Variants in CDH10 observed in about 807,000 individuals in gnomAD.
CDH10 encodes the protein cadherin-10.
CDH10 carries 30 observed loss-of-function variants against 73.1 expected under a neutral mutation model. The ratio of observed to expected loss-of-function variants is 0.41; its 90% CI spans 0.31 to 0.56. The LOEUF is 0.56. Ranked by LOEUF, CDH10 falls within the 20% of genes least tolerant of loss-of-function variation. The probability of loss-of-function intolerance (pLI) is 0.27; values close to 1 mark genes in which losing one functional copy is unlikely to be tolerated. For missense variants in CDH10, 815 were observed against 973.7 expected (o/e 0.84, Z 2.17); for synonymous variants, 345 against 348.2 (o/e 0.99, Z 0.10).
intron 5 of CDH10, among the ~76,000 whole-genome samples, chr5:24,531,000 T>G (rs1020199199): frequency 1.3e-5 from 2 of 152,104 alleles, no homozygotes; most frequent in African/African-American, 4.8e-5. Flanking sequence ...TCATCTCCCA[T>G]CAACCTCCTC....
chr5:24,489,482 C>A (rs1326905671), intron 11 of CDH10, among the ~76,000 whole-genome samples: 2 of 152,006 alleles, frequency 1.3e-5, no homozygotes, highest in Non-Finnish European at 2.9e-5. Context: ...TGCCTAAATT[C>A]ATATATTTAT....
At chr5:24,534,656 G>A (rs1439507127) in intron 5 of CDH10, among the ~76,000 whole-genome samples, 2 of 152,058 alleles carry the variant, frequency 1.3e-5, no homozygotes, top group African/African-American at 2.4e-5. Flanking sequence ...TCGATCTACA[G>A]TGCTTTCTGG....
At chr5:24,520,134 C>T (rs1451888585) in intron 5 of CDH10, among the ~76,000 whole-genome samples, 1 of 152,024 alleles carries the variant, frequency 6.6e-6, no homozygotes, top group Non-Finnish European at 1.5e-5. Flanking sequence ...TCAAATTCTG[C>T]GGTACTGGAG....
intron 1 of CDH10, among the ~76,000 whole-genome samples, chr5:24,628,424 TTG>T (rs2112188119): frequency 6.6e-6 from 1 of 152,256 alleles, no homozygotes; most frequent in South Asian, 2.1e-4. Context: ...ACATATGAAT[TTG>T]TGAGCACATA....
chr5:24,595,919 C>A (rs942336756), intron 1 of CDH10, among the ~76,000 whole-genome samples: 5 of 151,846 alleles, frequency 3.3e-5, no homozygotes, highest in African/African-American at 1.2e-4. Flanking sequence ...ACCCCACATG[C>A]ATGAGATCAT....
intron 2 of CDH10, among the ~76,000 whole-genome samples, chr5:24,550,020 A>G (rs1744487085): frequency 6.6e-6 from 1 of 152,194 alleles, no homozygotes; most frequent in African/African-American, 2.4e-5. Context: ...TGGTATTTTC[A>G]GGCCTAAGGA....
intron 11 of CDH10, among the ~76,000 whole-genome samples, 160 bp from the exon 12 acceptor site, chr5:24,488,313 G>C (rs1278275212): frequency 6.6e-6 from 1 of 152,136 alleles, no homozygotes; most frequent in Non-Finnish European, 1.5e-5. Flanking sequence ...GGTGTCAGGG[G>C]AGACGCTGAA....
chr5:24,548,789 A>G (rs189194250), intron 2 of CDH10, among the ~76,000 whole-genome samples: 1 of 152,232 alleles, frequency 6.6e-6, no homozygotes, highest in Admixed American at 6.5e-5. Flanking sequence ...TTCTTTATAC[A>G]TATTGTTTGG....
rs1746443032 is a variant in CDH10, at chr5:24,598,346, ACT to A, written c.-123-4735_-123-4734del. Among the ~76,000 whole-genome samples, 11 of 151,928 alleles carry A rather than the reference ACT, an allele frequency of 7.2e-5. No homozygotes were observed. The South Asian group carries it at 2.3e-3, about 31-fold the overall frequency. The stretch of plus-strand genomic sequence containing the variant: ...TATAATTCTACATTGAATATTTATC[ACT>A]CTGTTTTAAGTATTCTGCATATGTA... On this transcript the variant is annotated intron_variant, in intron 1 of 11. Coordinates refer to ENST00000264463, the MANE Select transcript of CDH10 (RefSeq NM_006727.5).
At position 24,523,423 on chromosome 5, in the gene CDH10, CTAA is replaced by C. The variant is rs992944217; in HGVS notation, c.814+11686_814+11688del. ...TTGTTTTTAAAAATTAAAAAATTTC[CTAA>C]TGATAGAAGAAATAATCAGTTTATG... is the stretch of plus-strand genomic sequence containing the variant. On this transcript the variant is annotated intron_variant, in intron 5 of 11. Coordinates refer to ENST00000264463, the MANE Select transcript of CDH10 (RefSeq NM_006727.5). Among the ~76,000 whole-genome samples the C allele has an allele frequency of 2.0e-5, 3 of 151,796 alleles. 1 individual carries two copies. Among genetic ancestry groups the C allele is most frequent in the South Asian group, 4.1e-4 (2 of 4,824 alleles).
rs563251479 is a variant in CDH10, at chr5:24,532,220, A to C, written c.814+2892T>G. On this transcript the variant is annotated intron_variant, in intron 5 of 11. Coordinates refer to ENST00000264463, the MANE Select transcript of CDH10 (RefSeq NM_006727.5). ...ATTTGGATCAGCCAACCTAAAGGAA[A>C]GTTTGAGTTGTGACCTAACTTTTAT... 1.1e-4 allele frequency among the ~76,000 whole-genome samples: 16 copies of C among 152,238 alleles called. No homozygotes were observed. The East Asian group carries it at 2.1e-3, about 20-fold the overall frequency.
intron 2 of CDH10, among the ~76,000 whole-genome samples, chr5:24,544,092 G>A (rs868178342): frequency 6.6e-6 from 1 of 152,016 alleles, no homozygotes; most frequent in Non-Finnish European, 1.5e-5. Context: ...TCAACAGATC[G>A]AGACCATCCT....
At chr5:24,603,124 A>G (rs573290116) in intron 1 of CDH10, among the ~76,000 whole-genome samples, 9 of 152,316 alleles carry the variant, frequency 5.9e-5, no homozygotes, top group African/African-American at 2.2e-4. Flanking sequence ...GCTGTGATAT[A>G]TCAAGAGGAA....
At chr5:24,514,797 AT>A (rs1163201837) in intron 5 of CDH10, among the ~76,000 whole-genome samples, 2 of 152,158 alleles carry the variant, frequency 1.3e-5, no homozygotes, top group African/African-American at 4.8e-5. Context: ...ATTTTTTTCA[AT>A]TAATGAGTTT....
At chr5:24,556,543 C>A (rs1234930049) in intron 2 of CDH10, among the ~76,000 whole-genome samples, 3 of 151,736 alleles carry the variant, frequency 2.0e-5, no homozygotes, top group Non-Finnish European at 4.4e-5. Context: ...ATTAGCTCTG[C>A]AAGCCTCCTT....
intron 1 of CDH10, among the ~76,000 whole-genome samples, chr5:24,634,205 T>C (rs184870255): frequency 1.3e-5 from 2 of 152,000 alleles, no homozygotes; most frequent in East Asian, 1.9e-4. Context: ...AACCATTTCT[T>C]GGGCTTTAAA....
chr5:24,504,620 G>C (rs1468886136), intron 8 of CDH10, among the ~76,000 whole-genome samples: 1 of 143,284 alleles, frequency 7.0e-6, no homozygotes, highest in Admixed American at 7.3e-5. Context: ...CTGCCTCCCA[G>C]GTTCACGCCA....
intron 3 of CDH10, among the ~76,000 whole-genome samples, chr5:24,536,425 C>T (rs1285917836): frequency 6.6e-6 from 1 of 151,918 alleles, no homozygotes. Flanking sequence ...CAGAACAATG[C>T]TTTTGAGAAA....
Position 24,509,589 on chromosome 5 carries a change from T to C in CDH10, c.1233A>G (p.Pro411=). The change falls in exon 7 of 12, where the codon CCA becomes CCG. Residue 411 remains proline, a synonymous_variant. Transcript: ENST00000264463. ...TIIGTVMARD[P]DSISSPIRFS... ...ACCTAATGGGGCTGGAAATAGAATCTGGGTCCCTTGCCATTACAGTACCAA... is the reference window on the plus strand; with the variant it reads ...ACCTAATGGGGCTGGAAATAGAATCCGGGTCCCTTGCCATTACAGTACCAA... The C allele has an allele frequency of 6.2e-7, 1 of 1,614,008 alleles. No individual in the cohort carries two copies. Among genetic ancestry groups the C allele is most frequent in the South Asian group, 1.1e-5 (1 of 91,074 alleles).
Sources: allele counts gnomAD v4.1 joint callset (sites outside exome capture counted in the v4.1 genomes callset), GRCh38; gene constraint gnomAD v4.1.1; transcripts MANE v1.5; gene names NCBI Gene and HGNC (gene_info 2026-07-23, HGNC 2026-07-21).